The following SOX5 variants were observed in gnomAD, a reference collection of about 807,000 sequenced individuals.
SOX5 encodes the protein transcription factor SOX-5.
Under a neutral mutation model 92.0 loss-of-function variants are expected in SOX5, and 9 were observed. The ratio of observed to expected loss-of-function variants is 0.10; its 90% CI spans 0.06 to 0.17. The LOEUF (loss-of-function observed/expected upper bound fraction) is 0.17. Among genes scored for constraint, SOX5 ranks in the 10% least tolerant of loss-of-function variants. The pLI, the probability that SOX5 is intolerant of heterozygous loss-of-function variation, is 1.00. For missense variants in SOX5, 642 were observed against 944.5 expected (o/e 0.68, Z 4.20); for synonymous variants, 344 against 336.3 (o/e 1.02, Z -0.25).
chr12:23,612,365 G>A (rs541293751), intron 8 of SOX5, among the ~76,000 whole-genome samples: 1 of 152,162 alleles, frequency 6.6e-6, no homozygotes, highest in Non-Finnish European at 1.5e-5. Context: ...TTCACCCCAA[G>A]AGTTTAAGTA....
rs139240697 is a variant in SOX5 at position 23,598,437 on chromosome 12, T to A, written c.1164+5950A>T. Among the ~76,000 whole-genome samples the A allele has an allele frequency of 9.0e-3, 1,281 of 142,514 alleles. 11 individuals carry two copies. The highest frequency in any genetic ancestry group is 0.031 in the African/African-American group (1,216 of 38,796). The allele number at this position is 142,514 out of a possible 152,430, so 93.5% of individuals were successfully genotyped here. A position where few individuals can be genotyped will look rare whatever the true frequency, so the allele number is the denominator to read the frequency against. ...TTTTTGACATGGAGTCTCCCTCTGT[T>A]GCCCAGGCTGGAGTGCAGTGGCGCG... is the stretch of plus-strand genomic sequence containing the variant. On this transcript the variant is annotated intron_variant, in intron 9 of 14. Transcript: ENST00000451604.
chr12:24,502,252 G>C (rs967892605), intron 1 of SOX5, among the ~76,000 whole-genome samples: 3 of 152,098 alleles, frequency 2.0e-5, no homozygotes, highest in African/African-American at 7.2e-5. Flanking sequence ...TCCAACAATG[G>C]GTCAGGGATA....
At chr12:24,407,883 T>A (rs1354083635) in intron 1 of SOX5, among the ~76,000 whole-genome samples, 1 of 152,212 alleles carries the variant, frequency 6.6e-6, no homozygotes, top group Non-Finnish European at 1.5e-5. Context: ...GAGGTTTCTA[T>A]CCAAGACTTG....
At chr12:24,459,502 A>G (rs1325287647) in intron 1 of SOX5, among the ~76,000 whole-genome samples, 1 of 152,174 alleles carries the variant, frequency 6.6e-6, no homozygotes, top group Non-Finnish European at 1.5e-5. Flanking sequence ...CGATAATCCT[A>G]AGAAGTTATC....
chr12:24,163,146 G>C (rs764318715), intron 4 of SOX5, among the ~76,000 whole-genome samples: 25 of 152,076 alleles, frequency 1.6e-4, no homozygotes, highest in African/African-American at 4.1e-4. Context: ...GTCCTGGAAG[G>C]CTTTTTAAAT....
intron 2 of SOX5, among the ~76,000 whole-genome samples, chr12:24,284,158 A>T (rs1188677134): frequency 6.6e-6 from 1 of 152,244 alleles, no homozygotes; most frequent in Admixed American, 6.5e-5. Context: ...AGAAAGTCTT[A>T]GAGAACAACA....
chr12:24,493,151 C>T (rs1028707105), intron 1 of SOX5, among the ~76,000 whole-genome samples: 2 of 152,092 alleles, frequency 1.3e-5, no homozygotes, highest in African/African-American at 4.8e-5. Flanking sequence ...AAATGATATC[C>T]TTTTCATACT....
At chr12:23,595,242 A>T (rs1305870795) in intron 9 of SOX5, among the ~76,000 whole-genome samples, 2 of 152,174 alleles carry the variant, frequency 1.3e-5, no homozygotes, top group Non-Finnish European at 2.9e-5. Flanking sequence ...ATGAAAAAAG[A>T]GCAGAGCTAG....
At chr12:24,462,426 A>G (rs1454052376) in intron 1 of SOX5, among the ~76,000 whole-genome samples, 1 of 152,198 alleles carries the variant, frequency 6.6e-6, no homozygotes, top group Non-Finnish European at 1.5e-5. Flanking sequence ...AACAATATTC[A>G]TGATATTATT....
intron 2 of SOX5, among the ~76,000 whole-genome samples, chr12:24,356,436 T>A (rs1320357795): frequency 6.6e-6 from 1 of 152,074 alleles, no homozygotes; most frequent in African/African-American, 2.4e-5. Context: ...TCTCTGTTCC[T>A]CCTCCTTCCT....
intron 4 of SOX5, among the ~76,000 whole-genome samples, chr12:23,749,130 T>C (rs914722870): frequency 6.6e-6 from 1 of 151,938 alleles, no homozygotes; most frequent in African/African-American, 2.4e-5. Flanking sequence ...TTACAGCTCA[T>C]AAAAGGAGTA....
At chr12:24,288,048 G>C (rs1236111186) in intron 2 of SOX5, among the ~76,000 whole-genome samples, 6 of 152,170 alleles carry the variant, frequency 3.9e-5, no homozygotes, top group Non-Finnish European at 7.4e-5. Flanking sequence ...CTCTCTATGT[G>C]CCTTCTTATT....
chr12:23,716,311 A>G (rs2092491477), intron 6 of SOX5, among the ~76,000 whole-genome samples: 1 of 152,220 alleles, frequency 6.6e-6, no homozygotes, highest in Non-Finnish European at 1.5e-5. Context: ...GAACTTTGGC[A>G]TAGTTAATGA....
At chr12:23,856,897 T>G (rs903693207) in intron 2 of SOX5, among the ~76,000 whole-genome samples, 5 of 152,204 alleles carry the variant, frequency 3.3e-5, no homozygotes, top group Admixed American at 1.3e-4. Flanking sequence ...CATTTAATTT[T>G]CTTTCTATAC....
At chr12:24,387,095 A>G (rs1958491625) in intron 1 of SOX5, among the ~76,000 whole-genome samples, 1 of 152,242 alleles carries the variant, frequency 6.6e-6, no homozygotes, top group Non-Finnish European at 1.5e-5. Flanking sequence ...AAAACATGGC[A>G]CAAAGTAGAA....
chr12:24,229,609 A>T (rs1267745311), intron 3 of SOX5, among the ~76,000 whole-genome samples: 1 of 152,170 alleles, frequency 6.6e-6, no homozygotes, highest in African/African-American at 2.4e-5. Flanking sequence ...GAGCCATGTC[A>T]TTTATTATTT....
intron 4 of SOX5, among the ~76,000 whole-genome samples, chr12:24,105,834 A>G (rs1946608312): frequency 6.6e-6 from 1 of 151,882 alleles, no homozygotes; most frequent in South Asian, 2.1e-4. Context: ...TTTTTTTCAG[A>G]GCCAAAAAGT....
intron 9 of SOX5, among the ~76,000 whole-genome samples, chr12:23,583,380 G>C (rs924617344): frequency 2.0e-5 from 3 of 152,012 alleles, no homozygotes; most frequent in Non-Finnish European, 4.4e-5. Context: ...CCCACTCATA[G>C]AAATTCCACA....
At chr12:23,628,319 T>C (rs941272813) in intron 8 of SOX5, among the ~76,000 whole-genome samples, 10 of 152,086 alleles carry the variant, frequency 6.6e-5, no homozygotes, top group South Asian at 2.1e-4. Context: ...TGCTACAGTA[T>C]AGTGAAATTT....
Sources: gnomAD v4.1 joint callset for allele counts (sites outside exome capture counted in the v4.1 genomes callset) on GRCh38, gnomAD v4.1.1 for gene constraint, MANE v1.5 for transcripts, NCBI Gene and HGNC (gene_info 2026-07-23, HGNC 2026-07-21) for gene names.